ZNF385D: variants seen among roughly 807,000 people sequenced by gnomAD.
ZNF385D encodes the protein zinc finger protein 659.
ZNF385D carries 15 observed loss-of-function variants against 35.8 expected under a neutral mutation model. The ratio of observed to expected loss-of-function variants is 0.42; its 90% confidence interval spans 0.28 to 0.64. The LOEUF is 0.64. Among genes scored for constraint, ZNF385D ranks in the 30% least tolerant of loss-of-function variants. The pLI is 0.23. For synonymous variants in ZNF385D, 212 were observed against 186.8 expected (o/e 1.13, Z -1.10); for missense variants, 474 against 494.6 (o/e 0.96, Z 0.39).
chr3:21,808,904 C>A (rs1039106967), intron 3 of ZNF385D, among the ~76,000 whole-genome samples: 1 of 152,140 alleles, frequency 6.6e-6, no homozygotes, highest in Non-Finnish European at 1.5e-5. Context: ...AATAGTACCA[C>A]AAAGACTTTG....
chr3:21,909,632 A>T (rs930253925), intron 3 of ZNF385D, among the ~76,000 whole-genome samples: 3 of 152,052 alleles, frequency 2.0e-5, no homozygotes, highest in African/African-American at 4.8e-5. Context: ...CAAAGTCACA[A>T]ACCCATTCCT....
chr3:22,074,106 T>C (rs1022937734), intron 3 of ZNF385D, among the ~76,000 whole-genome samples: 3 of 151,992 alleles, frequency 2.0e-5, no homozygotes, highest in Non-Finnish European at 4.4e-5. Flanking sequence ...GGATACTTTT[T>C]TTCTTTTTCT....
chr3:21,793,702 G>A (rs867216951), intron 3 of ZNF385D, among the ~76,000 whole-genome samples: 1 of 152,202 alleles, frequency 6.6e-6, no homozygotes, highest in Admixed American at 6.5e-5. Flanking sequence ...TTTTAGAAAT[G>A]ATTTTTAAAT....
rs186877508 is a variant in ZNF385D, at chr3:22,090,266, C to T, written c.325+78551G>A. ...GGGAATATTTTGATTTATTCCTATGCTTCATTGCAGTGCTGAGCTTCTTAC... is the reference window on the plus strand; with the variant it reads ...GGGAATATTTTGATTTATTCCTATGTTTCATTGCAGTGCTGAGCTTCTTAC... On this transcript the variant is annotated intron_variant, in intron 3 of 5. Coordinates refer to the ZNF385D transcript ENST00000494108. Among the ~76,000 whole-genome samples, 100 of 152,250 alleles carry T rather than the reference C, an allele frequency of 6.6e-4. 1 individual carries two copies. Among genetic ancestry groups the T allele is most frequent in the Admixed American group, 2.5e-3 (38 of 15,284 alleles).
At chr3:21,727,436 C>T (rs1027036441) in intron 1 of ZNF385D, among the ~76,000 whole-genome samples, 1 of 151,992 alleles carries the variant, frequency 6.6e-6, no homozygotes, top group Non-Finnish European at 1.5e-5. Flanking sequence ...TGACAAAAGG[C>T]TAATATCCAG....
chr3:22,275,285 A>G (rs769562203), intron 2 of ZNF385D, among the ~76,000 whole-genome samples: 3 of 152,152 alleles, frequency 2.0e-5, no homozygotes, highest in Non-Finnish European at 4.4e-5. Context: ...AAAGATTCTC[A>G]GAAGGGTCTA....
At chr3:21,958,027 C>CCCCACACATGCA (rs1362419513) in intron 3 of ZNF385D, among the ~76,000 whole-genome samples, 24 of 152,108 alleles carry the variant, frequency 1.6e-4, no homozygotes, top group Non-Finnish European at 3.4e-4. Flanking sequence ...GAGTGTTGTT[C>CCCCACACATGCA]CCCACACATG....
chr3:21,443,895 G>T (rs1478469761), intron 4 of ZNF385D, among the ~76,000 whole-genome samples: 1 of 152,060 alleles, frequency 6.6e-6, no homozygotes, highest in Admixed American at 6.6e-5. Flanking sequence ...GATTTTCAAA[G>T]CTGTCCAATT....
rs1441890014 is a variant in ZNF385D at position 21,983,541 on chromosome 3, C to A, written c.325+185276G>T. Among the ~76,000 whole-genome samples the A allele has an allele frequency of 6.6e-4, 96 of 146,338 alleles. 1 individual carries two copies. The highest frequency in any genetic ancestry group is 2.1e-3 in the African/African-American group (85 of 39,760). Reference sequence around the variant, plus strand: ...AGTATTCCATGGTGTATATGTGCCACATTTTCTTCATGCAGTCTATCATTG... The same window carrying A: ...AGTATTCCATGGTGTATATGTGCCAAATTTTCTTCATGCAGTCTATCATTG... On this transcript the variant is annotated intron_variant, in intron 3 of 5. Coordinates refer to the ZNF385D transcript ENST00000494108.
At chr3:21,919,765 C>T (rs1399408385) in intron 3 of ZNF385D, among the ~76,000 whole-genome samples, 1 of 152,186 alleles carries the variant, frequency 6.6e-6, no homozygotes, top group African/African-American at 2.4e-5. Flanking sequence ...AGGACAATGC[C>T]AAATTCAAAT....
chr3:21,869,053 T>C (rs909190634), intron 3 of ZNF385D, among the ~76,000 whole-genome samples: 4 of 152,140 alleles, frequency 2.6e-5, no homozygotes, highest in Admixed American at 2.0e-4. Flanking sequence ...GGGAGTTTAT[T>C]TTTTAAACTT....
intron 1 of ZNF385D, among the ~76,000 whole-genome samples, chr3:21,699,002 G>A (rs1325899259): frequency 2.0e-5 from 3 of 152,092 alleles, no homozygotes; most frequent in Non-Finnish European, 4.4e-5. Context: ...ATACCCAAAG[G>A]ATTATAAATC....
chr3:22,350,684 T>A (rs1695874704), intron 2 of ZNF385D, among the ~76,000 whole-genome samples: 1 of 152,058 alleles, frequency 6.6e-6, no homozygotes, highest in Admixed American at 6.5e-5. Context: ...ATGTATTTCT[T>A]TTTTTTGTTG....
At chr3:21,421,506 C>T in intron 7 of ZNF385D, 59 bp from the exon 8 acceptor site, 1 of 1,263,528 alleles carries the variant, frequency 7.9e-7, no homozygotes, top group Non-Finnish European at 1.1e-6. Context: ...GTACTTAAAA[C>T]CCAAAATGGC....
intron 2 of ZNF385D, among the ~76,000 whole-genome samples, chr3:22,289,907 T>A (rs988824257): frequency 6.6e-6 from 1 of 152,134 alleles, no homozygotes; most frequent in Non-Finnish European, 1.5e-5. Flanking sequence ...AACTCTCTAA[T>A]GCAGCCTTGT....
chr3:22,225,585 C>T (rs1031558364), intron 2 of ZNF385D, among the ~76,000 whole-genome samples: 2 of 152,138 alleles, frequency 1.3e-5, no homozygotes, highest in African/African-American at 4.8e-5. Context: ...AGAGTTTCTT[C>T]AGTGGCATCA....
intron 1 of ZNF385D, among the ~76,000 whole-genome samples, chr3:21,701,350 G>A (rs111489872): frequency 4.6e-5 from 7 of 152,028 alleles, no homozygotes; most frequent in African/African-American, 1.7e-4. Flanking sequence ...TGATAAATCC[G>A]TCAGATCTCG....
intron 2 of ZNF385D, among the ~76,000 whole-genome samples, chr3:21,663,889 G>A (rs1442651270): frequency 4.5e-4 from 9 of 19,872 alleles, no homozygotes; most frequent in South Asian, 4.1e-3. Flanking sequence ...ATTGTGGGCC[G>A]AATATATATA....
intron 2 of ZNF385D, among the ~76,000 whole-genome samples, chr3:21,588,209 G>A (rs2125723738): frequency 6.6e-6 from 1 of 152,268 alleles, no homozygotes; most frequent in Non-Finnish European, 1.5e-5. Context: ...AAATAATGTT[G>A]TTGGGGATGG....
Sources: gnomAD v4.1 joint callset for allele counts (sites outside exome capture counted in the v4.1 genomes callset) on GRCh38, gnomAD v4.1.1 for gene constraint, MANE v1.5 for transcripts, NCBI Gene and HGNC (gene_info 2026-07-23, HGNC 2026-07-21) for gene names.